MID1: variants seen among roughly 807,000 people sequenced by gnomAD.
The protein encoded by MID1 is midline 1, also known as E3 ubiquitin-protein ligase Midline-1.
A neutral mutation model predicts 40.4 loss-of-function variants in MID1; 7 were observed. That is an observed-to-expected ratio of 0.17 (90% CI 0.10 to 0.33). The LOEUF is 0.33. Among genes scored for constraint, MID1 ranks in the 10% least tolerant of loss-of-function variants. MID1 has a pLI of 1.00. For synonymous variants in MID1, 229 were observed against 221.2 expected, an observed-to-expected ratio of 1.04 and a Z score of -0.31; for missense variants, 367 against 558.5, an observed-to-expected ratio of 0.66 and a Z score of 3.46.
chrX:10,574,068 A>C (rs1401364736), intron 1 of MID1, among the ~76,000 whole-genome samples: 1 of 111,337 alleles, frequency 9.0e-6, no homozygotes, highest in Non-Finnish European at 1.9e-5. Flanking sequence ...TCCTCCTCAG[A>C]GCTTGTGAAT....
chrX:10,662,991 A>T (rs1447338735), intron 1 of MID1, among the ~76,000 whole-genome samples: 1 of 112,054 alleles, frequency 8.9e-6, no homozygotes, highest in African/African-American at 3.2e-5. Flanking sequence ...TTGGAGGGAG[A>T]GTTCTATTAA....
At chrX:10,769,427 T>G (rs2043750907) in intron 1 of MID1, among the ~76,000 whole-genome samples, 1 of 111,751 alleles carries the variant, frequency 8.9e-6, no homozygotes, top group Non-Finnish European at 1.9e-5. Context: ...ATGGGAGACA[T>G]GGGAGAAGCA....
chrX:10,698,211 T>C (rs1032956545), intron 1 of MID1, among the ~76,000 whole-genome samples: 1 of 112,016 alleles, frequency 8.9e-6, no homozygotes, highest in Non-Finnish European at 1.9e-5. Context: ...TCTGGTCACA[T>C]GTTGACATTC....
chrX:10,471,068 G>T (rs965929483), intron 6 of MID1, among the ~76,000 whole-genome samples: 1 of 111,823 alleles, frequency 8.9e-6, no homozygotes, highest in Non-Finnish European at 1.9e-5. Context: ...CTACTATCTG[G>T]TGGTTTGCAG....
At chrX:10,465,214 T>TATATATATATATATATATACAC (rs1477864693) in intron 7 of MID1, among the ~76,000 whole-genome samples, 1 of 39,900 alleles carries the variant, frequency 2.5e-5, no homozygotes, top group Non-Finnish European at 4.2e-5. Context: ...TATATATATA[T>TATATATATATATATATATACAC]ACACACACAC....
intron 1 of MID1, among the ~76,000 whole-genome samples, chrX:10,725,033 T>A (rs1402167315): frequency 1.8e-5 from 2 of 112,030 alleles, no homozygotes; most frequent in Admixed American, 9.5e-5. Flanking sequence ...AGTTATTAGT[T>A]CAGAACAATG....
At chrX:10,652,702 G>A (rs1449819330) in intron 1 of MID1, among the ~76,000 whole-genome samples, 4 of 111,392 alleles carry the variant, frequency 3.6e-5, no homozygotes, top group South Asian at 7.6e-4. Context: ...CCTGACTCCC[G>A]CTGCCCTCAC....
intron 1 of MID1, among the ~76,000 whole-genome samples, chrX:10,677,131 G>A (rs2043028249): frequency 8.9e-6 from 1 of 111,852 alleles, no homozygotes. Flanking sequence ...CAAACATCAA[G>A]AAAAGGTGGA....
At chrX:10,725,930 G>A (rs929947228) in intron 1 of MID1, among the ~76,000 whole-genome samples, 4 of 112,133 alleles carry the variant, frequency 3.6e-5, no homozygotes, top group African/African-American at 1.3e-4. Context: ...ACTTGGCTGA[G>A]TACCCAAATA....
At chrX:10,832,234 T>G (rs1055307752) in intron 1 of MID1, among the ~76,000 whole-genome samples, 2 of 112,517 alleles carry the variant, frequency 1.8e-5, no homozygotes, top group African/African-American at 6.5e-5. Context: ...CTTGCGAAAG[T>G]TATGCTTTCT....
intron 1 of MID1, among the ~76,000 whole-genome samples, chrX:10,570,041 C>T (rs189783902): frequency 1.7e-4 from 19 of 112,311 alleles, no homozygotes; most frequent in Non-Finnish European, 2.3e-4. Context: ...ACAGAACATG[C>T]ATCTCCTTTT....
chrX:10,497,003 G>A (rs1453770881), intron 3 of MID1, among the ~76,000 whole-genome samples: 1 of 112,480 alleles, frequency 8.9e-6, no homozygotes, highest in Admixed American at 9.4e-5. Flanking sequence ...AAGTACAAAT[G>A]TGGAACTCAG....
At chrX:10,784,338 T>G (rs1288944380) in intron 1 of MID1, among the ~76,000 whole-genome samples, 2 of 111,938 alleles carry the variant, frequency 1.8e-5, no homozygotes, top group Non-Finnish European at 3.8e-5. Context: ...CATATGAGAT[T>G]TGAAAACCTG....
intron 1 of MID1, among the ~76,000 whole-genome samples, chrX:10,627,671 C>T (rs1416809865): frequency 9.0e-6 from 1 of 111,330 alleles, no homozygotes; most frequent in Non-Finnish European, 1.9e-5. Context: ...AAAGATTAGT[C>T]CCTCAAACCT....
chrX:10,520,450 A>G (rs1211061851), intron 3 of MID1, among the ~76,000 whole-genome samples: 1 of 112,327 alleles, frequency 8.9e-6, no homozygotes, highest in Non-Finnish European at 1.9e-5. Context: ...ATGTGTGTAC[A>G]CTGTTCTCTA....
At chrX:10,720,826 A>C (rs2043346897) in intron 1 of MID1, among the ~76,000 whole-genome samples, 1 of 110,464 alleles carries the variant, frequency 9.1e-6, no homozygotes, top group Non-Finnish European at 1.9e-5. Flanking sequence ...AGACTGGATT[A>C]AGAAAATGTG....
chrX:10,542,016 A>G (rs1933490129), intron 2 of MID1, among the ~76,000 whole-genome samples: 1 of 112,267 alleles, frequency 8.9e-6, no homozygotes, highest in Admixed American at 9.4e-5. Context: ...ACAGCGTTCT[A>G]ATGGCATAGA....
chrX:10,531,341 C>T (rs1047774859), intron 2 of MID1, among the ~76,000 whole-genome samples: 8 of 111,948 alleles, frequency 7.1e-5, no homozygotes, highest in African/African-American at 1.3e-4. Context: ...CTCGACAGAC[C>T]GCAAATACAT....
intron 2 of MID1, among the ~76,000 whole-genome samples, chrX:10,548,710 A>C (rs926604069): frequency 1.5e-4 from 17 of 111,575 alleles, no homozygotes; most frequent in African/African-American, 5.6e-4. Context: ...ACAGTGAAAA[A>C]TACCCAAAGT....
Sources: gnomAD v4.1 joint callset for allele counts (sites outside exome capture counted in the v4.1 genomes callset) on GRCh38, gnomAD v4.1.1 for gene constraint, MANE v1.5 for transcripts, NCBI Gene and HGNC (gene_info 2026-07-23, HGNC 2026-07-21) for gene names.